ASPDH: variants seen among roughly 807,000 people sequenced by gnomAD.
ASPDH encodes aspartate dehydrogenase domain-containing protein.
In ASPDH, 25 loss-of-function variants were observed where a neutral mutation model predicts 30.5. That is an observed-to-expected ratio of 0.82 (90% CI 0.60 to 1.14). ASPDH has a LOEUF of 1.14. Ranked by LOEUF, ASPDH falls within the 50% of genes most tolerant of loss-of-function variation. The pLI is 0.00. For missense variants in ASPDH, 401 were observed against 381.5 expected (o/e 1.05, Z -0.43); for synonymous variants, 168 against 156.3 (o/e 1.07, Z -0.56).
At position 50,513,787 on chromosome 19, in the gene ASPDH, C is replaced by T; in HGVS notation, c.37G>A (p.Gly13Ser). The change falls in exon 1 of 7, where the codon GGC (glycine) becomes AGC (serine). Residue 13 changes from glycine (G) to serine (S), a missense_variant. By Grantham distance (56) the Gly-to-Ser change is moderately conservative. Coordinates refer to ENST00000389208, the MANE Select transcript of ASPDH (RefSeq NM_001114598.2). The surrounding 1 kb of genome is among the most constrained non-coding windows in gnomAD (Gnocchi z 4.9). ...DRGPWRVGVV[G>S]YGRLGQSLVS... ...AGGGACTCACCGAGGCGGCCATAGC[C>T]CACCACGCCCACCCTCCACGGGCCC... is the stretch of plus-strand genomic sequence containing the variant. 1 of 1,550,872 alleles carries T rather than the reference C, an allele frequency of 6.4e-7. No individual in the cohort carries two copies. The highest frequency in any genetic ancestry group is 1.7e-4 in the Middle Eastern group (1 of 5,798).
At chr19:50,514,525 C>T, upstream of ASPDH, 3 of 1,614,154 alleles carry the variant, frequency 1.9e-6, no homozygotes, top group Non-Finnish European at 8.5e-7. Context: ...CACCAGCTGC[C>T]TCCAGTGTGA....
chr19:50,514,332 G>A (rs1568709936), upstream of ASPDH: 5 of 1,158,336 alleles, frequency 4.3e-6, no homozygotes, highest in African/African-American at 3.0e-5. Flanking sequence ...CAGAGGCAGC[G>A]GGAGCCCTGG....
Position 50,513,329 on chromosome 19 carries a change from A to G in ASPDH, c.140T>C (p.Met47Thr). ...VFVWNRDPGR[M>T]AGSVPPSLQL... ...CAGGGAAGGGGGCACGCTCCCTGCC[A>G]TTCGTCCTGGGTCACGATTCCAGAC... The change falls in exon 2 of 7, where the codon ATG becomes ACG. Residue 47 changes from methionine to threonine, a missense_variant. By Grantham distance (81) the Met-to-Thr change is moderately conservative. Transcript: ENST00000389208. The surrounding 1 kb of genome is among the most constrained non-coding windows in gnomAD (Gnocchi z 4.9). 6.5e-7 allele frequency: 1 copy of G among 1,539,190 alleles called. No individual in the cohort carries two copies. The highest frequency in any genetic ancestry group is 8.8e-7 in the Non-Finnish European group (1 of 1,141,654).
rs1979980594 is a variant in ASPDH at position 50,512,347 on chromosome 19, T to G, written c.653+13A>C. On this transcript the variant is annotated intron_variant, in intron 5 of 6. Coordinates refer to ENST00000389208, the MANE Select transcript of ASPDH (RefSeq NM_001114598.2). Reference sequence around the variant, plus strand: ...CCTGGACTCAGCCCAACACCCTGCTTAGCTCTGCTCACCTGGTATCAGCCA... The same window carrying G: ...CCTGGACTCAGCCCAACACCCTGCTGAGCTCTGCTCACCTGGTATCAGCCA... 1.9e-6 allele frequency: 3 copies of G among 1,613,882 alleles called. No individual in the cohort carries two copies. The East Asian group carries it at 6.7e-5, about 36-fold the overall frequency.
In ASPDH at chr19:50,512,367, C is replaced by G. The variant is rs142215917; in HGVS notation, c.646G>C (p.Asp216His). 674 of 1,613,780 alleles carry G rather than the reference C, an allele frequency of 4.2e-4. No homozygotes were observed. Among genetic ancestry groups the G allele is most frequent in the Non-Finnish European group, 5.5e-4 (646 of 1,179,980 alleles). Residue 216 changes from aspartate (D) to histidine (H), a missense_variant, in exon 5 of 7, where the codon GAT becomes CAT. Transcript: ENST00000389208. Reference protein sequence around the residue: ...FDGVIGVLVADTSLTDMHVVD... With the variant: ...FDGVIGVLVAHTSLTDMHVVD... ...CTGCTTAGCTCTGCTCACCTGGTAT[C>G]AGCCACGAGCACCCCAATCACCCCA...
Position 50,511,647 on chromosome 19 carries a change from TG to T in ASPDH, c.*82del. On this transcript the variant is annotated 3_prime_UTR_variant, in exon 7 of 7. Transcript: ENST00000389208. ...CTTTACTGAGTCAGAAGGGAGACCC[TG>T]GGGAAGTGGGGCAGGGCAGGGGTGG... The T allele has an allele frequency of 1.2e-6, 1 of 837,362 alleles. No homozygotes were observed. Among genetic ancestry groups the T allele is most frequent in the South Asian group, 4.3e-5 (1 of 23,144 alleles). The allele number at this position is 837,362 out of a possible 1,614,324, so 51.9% of individuals were successfully genotyped here.
upstream of ASPDH, chr19:50,514,666 C>A (rs377565692): frequency 8.5e-5 from 132 of 1,554,350 alleles, 3 homozygotes; most frequent in African/African-American, 1.4e-3. Flanking sequence ...TGCCTGGCAT[C>A]GGAAATGGCG....
chr19:50,514,884 G>A (rs965980258), upstream of ASPDH: 4 of 984,856 alleles, frequency 4.1e-6, no homozygotes, highest in African/African-American at 7.0e-5. Context: ...GACAGAGAGG[G>A]GCCAAGACCC....
rs181814523 is a variant in ASPDH, at chr19:50,513,896, G to A, written c.-73C>T. 4,351 of 1,505,158 alleles carry A rather than the reference G, an allele frequency of 2.9e-3. 17 individuals carry two copies. Among genetic ancestry groups the A allele is most frequent in the Non-Finnish European group, 3.0e-3 (3,389 of 1,122,598 alleles). 93.2% of individuals were successfully genotyped at this position (1,505,158 alleles called of 1,614,324 possible). ...CCCGCTGCACAAGGCCTGGGCAGCC[G>A]CTGCTCTTTGGACATCTGACCCTTG... is the stretch of plus-strand genomic sequence containing the variant. On this transcript the variant is annotated 5_prime_UTR_variant, in exon 1 of 7. Transcript: ENST00000389208. The surrounding 1 kb of genome is among the most constrained non-coding windows in gnomAD (Gnocchi z 4.9).
upstream of ASPDH, chr19:50,514,817 G>GGGGCC: frequency 6.4e-6 from 3 of 466,652 alleles, no homozygotes; most frequent in Non-Finnish European, 1.0e-5. Context: ...GGGGGGGCGG[G>GGGGCC]CACTGGGTGG....
At chr19:50,514,809 G>A (rs1045745170), upstream of ASPDH, 34 of 1,256,132 alleles carry the variant, frequency 2.7e-5, no homozygotes, top group African/African-American at 4.2e-4. Context: ...ATGGGGTGGG[G>A]GGGGCGGGCA....
At position 50,513,275 on chromosome 19, in the gene ASPDH, TC is replaced by T; in HGVS notation, c.193del (p.Glu65LysfsTer15). The T allele has an allele frequency of 6.8e-7, 1 of 1,477,964 alleles. No homozygotes were observed. The highest frequency in any genetic ancestry group is 1.4e-5 in the South Asian group (1 of 71,206). The allele number at this position is 1,477,964 out of a possible 1,614,324, so 91.6% of individuals were successfully genotyped here. A position where few individuals can be genotyped will look rare whatever the true frequency, so the allele number is the denominator to read the frequency against. On this transcript the variant is annotated frameshift_variant, in exon 2 of 7. Transcript: ENST00000389208. LOFTEE classifies it high-confidence loss of function. This position sits in a 1 kb window ranked among gnomAD's most constrained non-coding sequence, Gnocchi z 4.9. ...CTCCCATGGCAAGGTCACTGACCTT[TC>T]CCCAAGGGCAGCAAGGTTCTGGAGC... is the stretch of plus-strand genomic sequence containing the variant. Reference protein sequence around the residue: ...LQLQNLAALGERRPDLVVEVA... With the variant: ...LQLQNLAALGXRRPDLVVEVA...
At position 50,513,607 on chromosome 19, in the gene ASPDH, CAG is replaced by C. The variant is rs1380602214; in HGVS notation, c.52+163_52+164del. Among the ~76,000 whole-genome samples the C allele has an allele frequency of 6.6e-6, 1 of 151,680 alleles. No individual in the cohort carries two copies. The highest frequency in any genetic ancestry group is 1.5e-5 in the Non-Finnish European group (1 of 67,920). ...GACAGAGGCCCAGAGAGAAGGGAGA[CAG>C]AGACGGAGAGGACAGAGACCTGGGG... On this transcript the variant is annotated intron_variant, in intron 1 of 6. Transcript: ENST00000389208. The surrounding 1 kb of genome is among the most constrained non-coding windows in gnomAD (Gnocchi z 4.9).
chr19:50,512,428 C>A lies in ASPDH; in HGVS notation c.585G>T (p.Ala195=). ...GGCTGGGGGCAGCCAGGGCAGCCGCCGCCATGGTGTTGGAATTTCGCGGGG... is the reference window on the plus strand; with the variant it reads ...GGCTGGGGGCAGCCAGGGCAGCCGCAGCCATGGTGTTGGAATTTCGCGGGG... ...PFAPRNSNTM[A]AAALAAPSLG... Residue 195 remains alanine, a synonymous_variant, in exon 5 of 7, where the codon GCG becomes GCT. Transcript: ENST00000389208. 1 of 1,612,430 alleles carries A rather than the reference C, an allele frequency of 6.2e-7. No homozygotes were observed. Among genetic ancestry groups the A allele is most frequent in the South Asian group, 1.1e-5 (1 of 90,950 alleles).
chr19:50,514,632 G>A, upstream of ASPDH: 1 of 1,597,674 alleles, frequency 6.3e-7, no homozygotes, highest in Non-Finnish European at 8.5e-7. Context: ...CCCAACATGA[G>A]CCCCAGCCTC....
chr19:50,514,357 C>T (rs1034434018), upstream of ASPDH: 29 of 1,393,800 alleles, frequency 2.1e-5, no homozygotes, highest in Non-Finnish European at 2.8e-5. Context: ...GGCTTCTCCT[C>T]AATGTGCCCT....
chr19:50,515,090 C>A (rs1240082071), upstream of ASPDH: 8 of 985,244 alleles, frequency 8.1e-6, no homozygotes, highest in Non-Finnish European at 6.0e-6. Flanking sequence ...TGAGTGTCCC[C>A]ATAGTGCCCA....
chr19:50,512,599 G>C lies in ASPDH; in HGVS notation c.433-19C>G, dbSNP rs1261059162. 3 of 1,516,354 alleles carry C rather than the reference G, an allele frequency of 2.0e-6. No homozygotes were observed. The highest frequency in any genetic ancestry group is 1.3e-5 in the South Asian group (1 of 75,966). The allele number at this position is 1,516,354 out of a possible 1,614,324, so 93.9% of individuals were successfully genotyped here. ...GAAGGCTCTGGAAGCAAGAGCCCGGGTTAGGGGGAGTGGGGTCTTTGCAGG... is the reference window on the plus strand; with the variant it reads ...GAAGGCTCTGGAAGCAAGAGCCCGGCTTAGGGGGAGTGGGGTCTTTGCAGG... On this transcript the variant is annotated intron_variant, in intron 4 of 6. Transcript: ENST00000389208.
Position 50,513,309 on chromosome 19 carries a change from A to T in ASPDH, c.160T>A (p.Ser54Thr). The T allele has an allele frequency of 6.6e-7, 1 of 1,524,580 alleles. No individual in the cohort carries two copies. The highest frequency in any genetic ancestry group is 8.8e-7 in the Non-Finnish European group (1 of 1,134,968). The allele number at this position is 1,524,580 out of a possible 1,614,324, so 94.4% of individuals were successfully genotyped here. ...GCAGCAAGGTTCTGGAGCTGCAGGG[A>T]AGGGGGCACGCTCCCTGCCATTCGT... ...PGRMAGSVPP[S>T]LQLQNLAALG... is the part of the protein sequence containing the mutation. The change falls in exon 2 of 7, where the codon TCC becomes ACC. Residue 54 changes from serine to threonine, a missense_variant. Coordinates refer to ENST00000389208, the MANE Select transcript of ASPDH (RefSeq NM_001114598.2). The surrounding 1 kb of genome is among the most constrained non-coding windows in gnomAD (Gnocchi z 4.9).
Sources: gnomAD v4.1 joint callset for allele counts (sites outside exome capture counted in the v4.1 genomes callset) on GRCh38, gnomAD v4.1.1 for gene constraint, Gnocchi (gnomAD v3.1) non-coding constraint, MANE v1.5 for transcripts, NCBI Gene and HGNC (gene_info 2026-07-23, HGNC 2026-07-21) for gene names.